The following RBFOX1 variants were observed in gnomAD, a reference collection of about 807,000 sequenced individuals.
RBFOX1 encodes the protein RNA binding protein fox-1 homolog 1.
RBFOX1 carries 8 observed loss-of-function variants against 57.7 expected under a neutral mutation model. The observed-to-expected ratio is 0.14, with a 90% CI of 0.08 to 0.25. The LOEUF (loss-of-function observed/expected upper bound fraction) is 0.25. Among genes scored for constraint, RBFOX1 ranks in the 10% least tolerant of loss-of-function variants. The pLI, the probability that RBFOX1 is intolerant of heterozygous loss-of-function variation, is 1.00. For synonymous variants in RBFOX1, 326 were observed against 222.4 expected (o/e 1.47, Z -4.15); for missense variants, 611 against 548.5 (o/e 1.11, Z -1.14).
intron 4 of RBFOX1, among the ~76,000 whole-genome samples, chr16:7,402,292 T>C (rs1360814172): frequency 6.6e-6 from 1 of 152,156 alleles, no homozygotes; most frequent in Non-Finnish European, 1.5e-5. Context: ...GCCCTGAAAG[T>C]GGTGGCTAAT....
intron 4 of RBFOX1, among the ~76,000 whole-genome samples, chr16:7,119,641 A>T (rs2083054016): frequency 1.3e-5 from 2 of 152,168 alleles, no homozygotes; most frequent in Non-Finnish European, 1.5e-5. Flanking sequence ...AAGAGGGCCA[A>T]GTCACCAAAA....
intron 4 of RBFOX1, among the ~76,000 whole-genome samples, chr16:7,461,874 C>A (rs1302366847): frequency 2.0e-5 from 3 of 152,164 alleles, no homozygotes; most frequent in African/African-American, 7.2e-5. Context: ...TGTGAGAGCC[C>A]TCAGTATCAG....
intron 3 of RBFOX1, among the ~76,000 whole-genome samples, chr16:6,844,765 A>G (rs141383284): frequency 2.2e-4 from 33 of 152,302 alleles, no homozygotes; most frequent in African/African-American, 6.7e-4. Flanking sequence ...TTGTTAGACC[A>G]TCTTCTGCAA....
At chr16:6,248,073 C>T (rs945496718) in intron 1 of RBFOX1, among the ~76,000 whole-genome samples, 2 of 152,148 alleles carry the variant, frequency 1.3e-5, no homozygotes, top group East Asian at 3.9e-4. Flanking sequence ...TTAAAAGCAG[C>T]CTCTCTTTTT....
intron 3 of RBFOX1, among the ~76,000 whole-genome samples, chr16:5,767,426 C>T (rs931655552): frequency 6.6e-5 from 10 of 152,122 alleles, no homozygotes; most frequent in Non-Finnish European, 1.5e-4. Context: ...GCTGAATTGC[C>T]CATTCAGCTG....
chr16:6,505,282 A>G (rs183616778), intron 2 of RBFOX1, among the ~76,000 whole-genome samples: 214 of 152,254 alleles, frequency 1.4e-3, no homozygotes, highest in Non-Finnish European at 2.6e-3. Context: ...TGAAGCTTGT[A>G]GACATTCATT....
Position 5,314,557 on chromosome 16 carries a change from G to A in RBFOX1, c.219+74452G>A, listed in dbSNP as rs144743923. 5.5e-3 allele frequency among the ~76,000 whole-genome samples: 840 copies of A among 152,312 alleles called. 7 individuals are homozygous for A. The highest frequency in any genetic ancestry group is 0.019 in the African/African-American group (804 of 41,564). ...ACTCTGTTGCCCAGGCTGGCGTGCA[G>A]TGGTGCAATCACAGCTCACTGCGGC... is the stretch of plus-strand genomic sequence containing the variant. On this transcript the variant is annotated intron_variant, in intron 1 of 2. Coordinates refer to the RBFOX1 transcript ENST00000585867.
chr16:7,181,566 T>TCTTCCTCTCTTTCTCG (rs1011956643), intron 4 of RBFOX1, among the ~76,000 whole-genome samples: 54 of 151,892 alleles, frequency 3.6e-4, no homozygotes, highest in Admixed American at 9.8e-4. Flanking sequence ...TCTCTTTCTC[T>TCTTCCTCTCTTTCTCG]CTTCCTCTCT....
intron 14 of RBFOX1, among the ~76,000 whole-genome samples, chr16:7,689,584 A>G (rs72778508): frequency 0.19 from 29,037 of 151,996 alleles, 3,427 homozygotes; most frequent in South Asian, 0.33. Flanking sequence ...AGGAATCTAT[A>G]CCTTGAATGA....
intron 1 of RBFOX1, among the ~76,000 whole-genome samples, chr16:5,388,395 G>C (rs577247802): frequency 6.6e-6 from 1 of 152,274 alleles, no homozygotes; most frequent in Admixed American, 6.5e-5. Flanking sequence ...GTCAGGCCTT[G>C]TGGTCCAATA....
chr16:7,700,925 C>T (rs533734445), intron 14 of RBFOX1, among the ~76,000 whole-genome samples: 3 of 152,190 alleles, frequency 2.0e-5, no homozygotes, highest in Admixed American at 6.5e-5. Flanking sequence ...CTTTTAGATG[C>T]CACAGTGTTG....
At chr16:5,698,229 T>C (rs1474594430) in intron 3 of RBFOX1, among the ~76,000 whole-genome samples, 1 of 152,182 alleles carries the variant, frequency 6.6e-6, no homozygotes, top group Non-Finnish European at 1.5e-5. Context: ...ATTTTGTTAC[T>C]AAGGTAATAC....
intron 4 of RBFOX1, among the ~76,000 whole-genome samples, chr16:7,473,299 A>G (rs544013052): frequency 1.2e-4 from 18 of 151,590 alleles, no homozygotes; most frequent in South Asian, 4.2e-4. Context: ...AATTGCTTGA[A>G]CTCAGGAGGC....
intron 3 of RBFOX1, among the ~76,000 whole-genome samples, chr16:5,738,163 A>G (rs1188965470): frequency 2.0e-5 from 3 of 152,050 alleles, no homozygotes; most frequent in Non-Finnish European, 4.4e-5. Flanking sequence ...TCTTTAAAAA[A>G]TGTTTTCATA....
At chr16:7,536,087 G>A (rs534218354) in intron 5 of RBFOX1, among the ~76,000 whole-genome samples, 1 of 152,144 alleles carries the variant, frequency 6.6e-6, no homozygotes, top group Admixed American at 6.5e-5. Context: ...CACCAGGTTC[G>A]ACATCCCATG....
At chr16:5,715,670 G>T (rs1425714581) in intron 3 of RBFOX1, among the ~76,000 whole-genome samples, 2 of 152,182 alleles carry the variant, frequency 1.3e-5, no homozygotes, top group Non-Finnish European at 2.9e-5. Context: ...CTAAAGGCTT[G>T]CCTTCTCCAT....
intron 3 of RBFOX1, among the ~76,000 whole-genome samples, chr16:6,976,805 A>C (rs1399448132): frequency 6.8e-6 from 1 of 147,068 alleles, no homozygotes; most frequent in Admixed American, 7.0e-5. Context: ...GATATATGAG[A>C]TATAAATGAT....
intron 2 of RBFOX1, among the ~76,000 whole-genome samples, chr16:6,508,108 C>G (rs936266545): frequency 6.6e-6 from 1 of 152,102 alleles, no homozygotes; most frequent in East Asian, 1.9e-4. Flanking sequence ...CAAACTAATG[C>G]AGGAGCAGAA....
intron 3 of RBFOX1, among the ~76,000 whole-genome samples, chr16:6,692,142 C>G (rs1003974975): frequency 3.3e-5 from 5 of 152,192 alleles, no homozygotes; most frequent in African/African-American, 1.2e-4. Flanking sequence ...TTAGTGGTAA[C>G]ATATTCTCCT....
Sources: allele counts gnomAD v4.1 joint callset (sites outside exome capture counted in the v4.1 genomes callset), GRCh38; gene constraint gnomAD v4.1.1; transcripts MANE v1.5; gene names NCBI Gene and HGNC (gene_info 2026-07-23, HGNC 2026-07-21).